Variants in E2F3 observed in about 807,000 individuals in gnomAD.
E2F3 encodes the protein transcription factor E2F3.
A neutral mutation model predicts 44.4 loss-of-function variants in E2F3; 11 were observed. The ratio of observed to expected loss-of-function variants is 0.25; its 90% CI spans 0.16 to 0.41. E2F3 has a LOEUF of 0.41. Ranked by LOEUF, E2F3 falls within the 10% of genes least tolerant of loss-of-function variation. The pLI, the probability that E2F3 is intolerant of heterozygous loss-of-function variation, is 1.00. For missense variants in E2F3, 487 were observed against 583.6 expected (o/e 0.83, Z 1.70); for synonymous variants, 249 against 253.0 (o/e 0.98, Z 0.15).
Position 20,489,834 on chromosome 6 carries a change from G to T in E2F3, c.1136-334G>T, listed in dbSNP as rs889722201. On this transcript the variant is annotated intron_variant, in intron 6 of 6. Coordinates refer to ENST00000346618, the MANE Select transcript of E2F3 (RefSeq NM_001949.5). ...TACAAAAAAAGATTAACCAGGCATG[G>T]TGGCTCACACCTGGAGTCCCAGCTA... Among the ~76,000 whole-genome samples, 11 of 152,200 alleles carry T rather than the reference G, an allele frequency of 7.2e-5. No homozygotes were observed. In the South Asian group the frequency reaches 1.0e-3, roughly 14 times the overall value.
intron 1 of E2F3, among the ~76,000 whole-genome samples, chr6:20,435,963 A>G (rs930205903): frequency 1.4e-5 from 2 of 140,550 alleles, no homozygotes; most frequent in Non-Finnish European, 3.1e-5. Flanking sequence ...ATCATACATT[A>G]AAGAATTGTC....
rs763468589 is a variant in E2F3 at position 20,402,378 on chromosome 6, C to G, written c.146C>G (p.Ala49Gly). The change falls in exon 1 of 7, where the codon GCC becomes GGC. Residue 49 changes from alanine to glycine, a missense_variant. Physicochemically the swap from Ala to Gly is moderately conservative, Grantham distance 60. Transcript: ENST00000346618. This position sits in a 1 kb window ranked among gnomAD's most constrained non-coding sequence, Gnocchi z 5.6. Reference sequence around the variant, plus strand: ...AGCCCCGGCTTCGCCGCCGCCGCCGCCGCTGCCGCCGCCCCGGGCGCGTAC... The same window carrying G: ...AGCCCCGGCTTCGCCGCCGCCGCCGGCGCTGCCGCCGCCCCGGGCGCGTAC... ...LASPGFAAAA[A>G]AAAAPGAYIQ... 6.2e-6 allele frequency: 10 copies of G among 1,609,344 alleles called. No individual in the cohort carries two copies. Among genetic ancestry groups the G allele is most frequent in the Non-Finnish European group, 8.5e-6 (10 of 1,178,324 alleles).
At chr6:20,425,387 CTT>C (rs879940355) in intron 1 of E2F3, among the ~76,000 whole-genome samples, 29 of 134,716 alleles carry the variant, frequency 2.2e-4, no homozygotes, top group Admixed American at 2.2e-4. Context: ...GAACCTTCTA[CTT>C]TTTTTTTTTT....
Position 20,490,479 on chromosome 6 carries a change from G to A in E2F3, c.*49G>A. 6.6e-7 allele frequency: 1 copy of A among 1,512,344 alleles called. No homozygotes were observed. Among genetic ancestry groups the A allele is most frequent in the Non-Finnish European group, 8.9e-7 (1 of 1,127,478 alleles). 93.7% of individuals were successfully genotyped at this position (1,512,344 alleles called of 1,614,324 possible). Reference sequence around the variant, plus strand: ...TAAAAACCGATATTTTTTTATCATGGAACCAGAACATCTGTCATGCAGTGT... The same window carrying A: ...TAAAAACCGATATTTTTTTATCATGAAACCAGAACATCTGTCATGCAGTGT... On this transcript the variant is annotated 3_prime_UTR_variant, in exon 7 of 7. Transcript: ENST00000346618. The surrounding 1 kb of genome is among the most constrained non-coding windows in gnomAD (Gnocchi z 4.3).
At chr6:20,472,025 AACACACAC>A (rs57925127) in intron 1 of E2F3, among the ~76,000 whole-genome samples, 1,611 of 138,428 alleles carry the variant, frequency 0.012, 28 homozygotes, top group African/African-American at 0.033. Flanking sequence ...CCCCCCCTCC[AACACACAC>A]ACACACACAC....
chr6:20,477,621 C>T (rs1762089837), intron 1 of E2F3, among the ~76,000 whole-genome samples: 1 of 152,072 alleles, frequency 6.6e-6, no homozygotes, highest in Non-Finnish European at 1.5e-5. Flanking sequence ...GTTTCTGATC[C>T]AATGCATCTT....
At chr6:20,441,316 A>G (rs1050535457) in intron 1 of E2F3, among the ~76,000 whole-genome samples, 1 of 152,286 alleles carries the variant, frequency 6.6e-6, no homozygotes, top group African/African-American at 2.4e-5. Flanking sequence ...TTTCATTCAT[A>G]TTGTAGCATG....
chr6:20,470,709 T>A (rs1761862985), intron 1 of E2F3, among the ~76,000 whole-genome samples: 1 of 152,236 alleles, frequency 6.6e-6, no homozygotes, highest in South Asian at 2.1e-4. Flanking sequence ...TCCTATTAAC[T>A]AGGGAGAAGG....
At chr6:20,436,725 T>C (rs1760599782) in intron 1 of E2F3, among the ~76,000 whole-genome samples, 1 of 152,222 alleles carries the variant, frequency 6.6e-6, no homozygotes, top group Non-Finnish European at 1.5e-5. Context: ...ACACGCTGCC[T>C]GGGATTTAAG....
chr6:20,454,888 C>T (rs1159534460), intron 1 of E2F3, among the ~76,000 whole-genome samples: 1 of 152,202 alleles, frequency 6.6e-6, no homozygotes, highest in Non-Finnish European at 1.5e-5. Context: ...TTTTTCTGGA[C>T]ATTAGACTCC....
chr6:20,403,777 GC>G (rs1759394005), intron 1 of E2F3: 7 of 1,498,340 alleles, frequency 4.7e-6, no homozygotes, highest in Admixed American at 2.1e-5. Flanking sequence ...TCTCCAGCCG[GC>G]CCCCCACCTC....
At chr6:20,427,172 C>T (rs912039262) in intron 1 of E2F3, among the ~76,000 whole-genome samples, 2 of 152,328 alleles carry the variant, frequency 1.3e-5, no homozygotes, top group South Asian at 2.1e-4. Context: ...CTGGGCATAT[C>T]GAACTGATTC....
In E2F3 at chr6:20,402,387, C is replaced by T; in HGVS notation, c.155C>T (p.Ala52Val). ...PGFAAAAAAAAAPGAYIQILT... is the reference protein window; with the variant it reads ...PGFAAAAAAAVAPGAYIQILT... ...TTCGCCGCCGCCGCCGCCGCTGCCG[C>T]CGCCCCGGGCGCGTACATCCAGATC... The change falls in exon 1 of 7, where the codon GCC (alanine) becomes GTC (valine). Residue 52 changes from alanine to valine, a missense_variant. Ala to Val is a moderately conservative substitution (Grantham distance 64, BLOSUM62 0). Around this residue, in one of 3 missense-constraint regions of E2F3, gnomAD observed 238 missense variants for 236.0 expected, o/e 1.01. Coordinates refer to ENST00000346618, the MANE Select transcript of E2F3 (RefSeq NM_001949.5). This position sits in a 1 kb window ranked among gnomAD's most constrained non-coding sequence, Gnocchi z 5.6. 3 of 1,610,010 alleles carry T rather than the reference C, an allele frequency of 1.9e-6. No individual in the cohort carries two copies. The highest frequency in any genetic ancestry group is 2.7e-5 in the African/African-American group (2 of 74,694).
chr6:20,467,898 C>T (rs1761766018), intron 1 of E2F3, among the ~76,000 whole-genome samples: 1 of 152,026 alleles, frequency 6.6e-6, no homozygotes, highest in Admixed American at 6.6e-5. Flanking sequence ...AGCTGCCACT[C>T]CATACCATGG....
At chr6:20,420,809 A>G (rs1305179872) in intron 1 of E2F3, among the ~76,000 whole-genome samples, 1 of 152,218 alleles carries the variant, frequency 6.6e-6, no homozygotes, top group Non-Finnish European at 1.5e-5. Flanking sequence ...ATTTCTTCAC[A>G]TAAGAAAAAA....
Position 20,477,423 on chromosome 6 carries a change from T to C in E2F3, c.394-2423T>C, listed in dbSNP as rs138149725. Among the ~76,000 whole-genome samples, 6 of 152,270 alleles carry C rather than the reference T, an allele frequency of 3.9e-5. No homozygotes were observed. The East Asian group carries it at 1.2e-3, about 29-fold the overall frequency. On this transcript the variant is annotated intron_variant, in intron 1 of 6. Transcript: ENST00000346618. The stretch of plus-strand genomic sequence containing the variant: ...ATGAATGAAAGTGGAATCCACAGGA[T>C]AGATTTCCCTCATCAGCCAAGCAGG...
At chr6:20,458,730 G>A (rs940131735) in intron 1 of E2F3, among the ~76,000 whole-genome samples, 4 of 152,142 alleles carry the variant, frequency 2.6e-5, no homozygotes, top group South Asian at 2.1e-4. Flanking sequence ...TTGCTTTTTT[G>A]TGTGGAGATT....
chr6:20,465,701 T>C (rs1319747390), intron 1 of E2F3, among the ~76,000 whole-genome samples: 1 of 152,218 alleles, frequency 6.6e-6, no homozygotes, highest in African/African-American at 2.4e-5. Context: ...CATACGATGT[T>C]TGGTTTTCCA....
chr6:20,458,912 A>G (rs914371917), intron 1 of E2F3, among the ~76,000 whole-genome samples: 1 of 151,694 alleles, frequency 6.6e-6, no homozygotes, highest in Non-Finnish European at 1.5e-5. Flanking sequence ...CTTGTCAGGG[A>G]TCATACGAAA....
Sources: allele counts gnomAD v4.1 joint callset (sites outside exome capture counted in the v4.1 genomes callset), GRCh38; gene constraint gnomAD v4.1.1; regional missense constraint gnomAD v4.1.1; non-coding constraint Gnocchi (gnomAD v3.1); transcripts MANE v1.5; gene names NCBI Gene and HGNC (gene_info 2026-07-23, HGNC 2026-07-21).